BIRC6: variants seen among roughly 807,000 people sequenced by gnomAD.
The protein encoded by BIRC6 is dual E2 ubiquitin-conjugating enzyme/E3 ubiquitin-protein ligase BIRC6.
In BIRC6, 98 loss-of-function variants were observed where a neutral mutation model predicts 503.3. That is an observed-to-expected ratio of 0.19 (90% CI 0.17 to 0.23). BIRC6 has a LOEUF of 0.23. Among genes scored for constraint, BIRC6 ranks in the 10% least tolerant of loss-of-function variants. BIRC6 has a pLI of 1.00. For synonymous variants in BIRC6, 2,240 were observed against 2,078.7 expected, an observed-to-expected ratio of 1.08 and a Z score of -2.11; for missense variants, 5,360 against 5,806.0, an observed-to-expected ratio of 0.92 and a Z score of 2.50.
chr2:32,360,172 A>C (rs565796169), intron 1 of BIRC6, among the ~76,000 whole-genome samples: 2 of 152,302 alleles, frequency 1.3e-5, no homozygotes, highest in South Asian at 4.1e-4. Flanking sequence ...GTGATACAGT[A>C]ATAGGTCTTA....
In BIRC6 at chr2:32,595,065, G is replaced by A. The variant is rs1218171361; in HGVS notation, c.13533G>A (p.Ala4511=). The change falls in exon 68 of 74, where the codon GCG becomes GCA. Residue 4511 remains alanine, a synonymous_variant. Coordinates refer to ENST00000421745, the MANE Select transcript of BIRC6 (RefSeq NM_016252.4). ...EKKLGEYSKK[A]AMKPKPLSVL... ...AACTGGGTGAATACTCCAAGAAGGCGGCTATGAAACCCAAACCTTTGTCAG... is the reference window on the plus strand; with the variant it reads ...AACTGGGTGAATACTCCAAGAAGGCAGCTATGAAACCCAAACCTTTGTCAG... The A allele has an allele frequency of 6.2e-7, 1 of 1,600,908 alleles. No homozygotes were observed. Among genetic ancestry groups the A allele is most frequent in the Non-Finnish European group, 8.5e-7 (1 of 1,176,078 alleles).
rs1404723678 is a variant in BIRC6 at position 32,469,430 on chromosome 2, C to G, written c.6163C>G (p.His2055Asp). The change falls in exon 30 of 74, where the codon CAT (histidine) becomes GAT (aspartate). Residue 2055 changes from histidine to aspartate, a missense_variant. Transcript: ENST00000421745. ...TCCTGCAGTTTTGCAGAGCACATTT[C>G]ATGCCCAGGCCTGTGAAGAGCTCTT... The part of the protein sequence containing the change: ...SVPAVLQSTF[H>D]AQACEELFKH... The G allele has an allele frequency of 6.2e-7, 1 of 1,613,848 alleles. No individual in the cohort carries two copies. Among genetic ancestry groups the G allele is most frequent in the Non-Finnish European group, 8.5e-7 (1 of 1,179,798 alleles).
chr2:32,379,017 C>G (rs1489175377), intron 2 of BIRC6: 1 of 152,126 alleles, frequency 6.6e-6, no homozygotes, highest in Non-Finnish European at 1.5e-5. Context: ...TGTGTTCATG[C>G]TAACTTGTTA....
intron 58 of BIRC6, 64 bp from the exon 59 acceptor site, chr2:32,525,400 A>T (rs932743919): frequency 3.9e-5 from 60 of 1,557,596 alleles, no homozygotes; most frequent in Non-Finnish European, 5.1e-5. Context: ...ATATTTTAGG[A>T]ACACTGTTTT....
chr2:32,369,974 A>T (rs1271343716), intron 1 of BIRC6, among the ~76,000 whole-genome samples: 1 of 62,988 alleles, frequency 1.6e-5, no homozygotes, highest in Non-Finnish European at 3.1e-5. Context: ...ATATATATAT[A>T]TATATATATA....
Position 32,468,129 on chromosome 2 carries a change from A to G in BIRC6, c.5780+18A>G. ...CAGTGCAGGTTAGTACAGAGTGCAA[A>G]TTTTAATGTTATTGAAACTTTGTAT... On this transcript the variant is annotated intron_variant, in intron 28 of 73. Transcript: ENST00000421745. 6.2e-7 allele frequency: 1 copy of G among 1,606,776 alleles called. No homozygotes were observed. Among genetic ancestry groups the G allele is most frequent in the African/African-American group, 1.3e-5 (1 of 74,910 alleles).
intron 70 of BIRC6, chr2:32,602,395 A>G (rs1475412050): frequency 6.6e-6 from 1 of 152,222 alleles, no homozygotes; most frequent in African/African-American, 2.4e-5. Context: ...ATCTCAATCA[A>G]CGTAGAGAGT....
rs1043637469 is a variant in BIRC6, at chr2:32,509,553, A to G, written c.9981-185A>G. The G allele has an allele frequency of 8.2e-5, 55 of 673,350 alleles. 1 individual carries two copies. In the South Asian group the frequency reaches 8.6e-4, roughly 11 times the overall value. 41.7% of individuals were successfully genotyped at this position (673,350 alleles called of 1,614,324 possible). ...CAGGTGTTAGCCACCGTGCCTGGCC[A>G]TGATTTATCTTATAGGGGAAACTTA... On this transcript the variant is annotated intron_variant, in intron 51 of 73. Coordinates refer to ENST00000421745, the MANE Select transcript of BIRC6 (RefSeq NM_016252.4).
chr2:32,539,495 CA>C (rs1559007394), intron 61 of BIRC6, among the ~76,000 whole-genome samples: 2 of 152,152 alleles, frequency 1.3e-5, no homozygotes, highest in African/African-American at 4.8e-5. Context: ...GTGACCACAT[CA>C]GAATTAAATT....
intron 57 of BIRC6, among the ~76,000 whole-genome samples, chr2:32,520,661 A>G (rs1048694066): frequency 6.6e-6 from 1 of 152,208 alleles, no homozygotes; most frequent in African/African-American, 2.4e-5. Context: ...TACTAAAAAT[A>G]CAAAAATTAG....
Position 32,515,151 on chromosome 2 carries a change from T to C in BIRC6, c.10730T>C (p.Leu3577Pro). Residue 3577 changes from leucine (L) to proline (P), a missense_variant, in exon 55 of 74, where the codon CTG becomes CCG. By Grantham distance (98) the Leu-to-Pro change is moderately conservative. Around this residue, in one of 16 missense-constraint regions of BIRC6, gnomAD observed 878 missense variants for 928.9 expected, o/e 0.95. Coordinates refer to ENST00000421745, the MANE Select transcript of BIRC6 (RefSeq NM_016252.4). ...CCTCCAGTGCAATGTCATCATAGAC[T>C]GTCCATGACAGATGATAGCAAAAAG... ...TPPPVQCHHRLSMTDDSKKQD... is the reference protein window; with the variant it reads ...TPPPVQCHHRPSMTDDSKKQD... 1.2e-6 allele frequency: 2 copies of C among 1,614,014 alleles called. No homozygotes were observed. Among genetic ancestry groups the C allele is most frequent in the Non-Finnish European group, 1.7e-6 (2 of 1,179,888 alleles).
chr2:32,429,747 AAAG>A (rs776435201), intron 11 of BIRC6, among the ~76,000 whole-genome samples: 17 of 152,150 alleles, frequency 1.1e-4, no homozygotes, highest in Non-Finnish European at 2.2e-4. Context: ...TAATTTTTCA[AAAG>A]AAGTTTTGCT....
intron 23 of BIRC6, among the ~76,000 whole-genome samples, chr2:32,461,737 G>C (rs1572398707): frequency 6.6e-6 from 1 of 152,120 alleles, no homozygotes; most frequent in South Asian, 2.1e-4. Context: ...AAGATGGGCT[G>C]TTAGATTGCC....
At chr2:32,512,065 C>G (rs1237496777) in intron 53 of BIRC6, among the ~76,000 whole-genome samples, 1 of 151,998 alleles carries the variant, frequency 6.6e-6, no homozygotes, top group Non-Finnish European at 1.5e-5. Context: ...CTGCATAGTA[C>G]TTTTTAAAAC....
At chr2:32,366,451 A>T (rs1231491839) in intron 1 of BIRC6, among the ~76,000 whole-genome samples, 1 of 151,980 alleles carries the variant, frequency 6.6e-6, no homozygotes, top group African/African-American at 2.4e-5. Flanking sequence ...GTAAATGTGG[A>T]TGTATGATAT....
At chr2:32,603,534 G>GT (rs2062205797) in intron 71 of BIRC6, among the ~76,000 whole-genome samples, 1 of 152,068 alleles carries the variant, frequency 6.6e-6, no homozygotes, top group African/African-American at 2.4e-5. Flanking sequence ...GGCCAACGTG[G>GT]TAAGACCCGC....
intron 65 of BIRC6, among the ~76,000 whole-genome samples, chr2:32,560,509 A>G (rs2059093716): frequency 6.6e-6 from 1 of 152,316 alleles, no homozygotes. Context: ...AGCATGTTTC[A>G]TTTATTTCAG....
At chr2:32,418,900 A>T (rs933974594) in intron 10 of BIRC6, among the ~76,000 whole-genome samples, 1 of 152,216 alleles carries the variant, frequency 6.6e-6, no homozygotes, top group South Asian at 2.1e-4. Flanking sequence ...GTGAGCTGAG[A>T]TCGCGTCACT....
chr2:32,535,949 A>G (rs1259845167), intron 61 of BIRC6, among the ~76,000 whole-genome samples: 3 of 152,186 alleles, frequency 2.0e-5, no homozygotes, highest in Non-Finnish European at 2.9e-5. Context: ...CTATTTCTCC[A>G]CATCCTCTCC....
Sources: gnomAD v4.1 joint callset for allele counts (sites outside exome capture counted in the v4.1 genomes callset) on GRCh38, gnomAD v4.1.1 for gene constraint, gnomAD v4.1.1 regional missense constraint, MANE v1.5 for transcripts, NCBI Gene and HGNC (gene_info 2026-07-23, HGNC 2026-07-21) for gene names.